The following CNTNAP2 variants were observed in gnomAD, a reference collection of about 807,000 sequenced individuals.
The protein encoded by CNTNAP2 is contactin-associated protein-like 2.
CNTNAP2 carries 98 observed loss-of-function variants against 155.2 expected under a neutral mutation model. The observed-to-expected ratio is 0.63, with a 90% CI of 0.54 to 0.75. The LOEUF (loss-of-function observed/expected upper bound fraction) is 0.75. Ranked by LOEUF, CNTNAP2 falls within the 30% of genes least tolerant of loss-of-function variation. The pLI, the probability that CNTNAP2 is intolerant of heterozygous loss-of-function variation, is 0.00. For synonymous variants in CNTNAP2, 651 were observed against 631.2 expected (o/e 1.03, Z -0.47); for missense variants, 1,727 against 1,688.1 (o/e 1.02, Z -0.40).
At chr7:146,977,223 A>G (rs1316076528) in intron 3 of CNTNAP2, among the ~76,000 whole-genome samples, 2 of 152,246 alleles carry the variant, frequency 1.3e-5, no homozygotes, top group African/African-American at 4.8e-5. Context: ...TGAGTGAAGA[A>G]TAATACTTCA....
intron 15 of CNTNAP2, among the ~76,000 whole-genome samples, chr7:148,040,935 T>C (rs2116478152): frequency 6.6e-6 from 1 of 152,096 alleles, no homozygotes; most frequent in African/African-American, 2.4e-5. Flanking sequence ...GGAGGCAAAA[T>C]CAAGTGTACC....
chr7:146,858,363 C>T (rs1481430555), intron 3 of CNTNAP2, among the ~76,000 whole-genome samples: 1 of 152,198 alleles, frequency 6.6e-6, no homozygotes, highest in Non-Finnish European at 1.5e-5. Context: ...TCCCTGCCAA[C>T]ACTGACATTC....
intron 9 of CNTNAP2, among the ~76,000 whole-genome samples, chr7:147,344,759 T>C (rs1795821227): frequency 6.6e-6 from 1 of 152,178 alleles, no homozygotes; most frequent in Non-Finnish European, 1.5e-5. Flanking sequence ...TTTGATGTTA[T>C]TACTGTTAAT....
chr7:148,413,392 C>CAAAAAAAAAAA (rs1184055556), intron 23 of CNTNAP2, among the ~76,000 whole-genome samples: 23 of 1,650 alleles, frequency 0.014, 10 homozygotes, highest in Non-Finnish European at 0.037. Flanking sequence ...AACTCCGTCT[C>CAAAAAAAAAAA]AAAAAAAAAA....
At chr7:146,767,488 A>G (rs781349235) in intron 1 of CNTNAP2, among the ~76,000 whole-genome samples, 1 of 152,148 alleles carries the variant, frequency 6.6e-6, no homozygotes, top group Non-Finnish European at 1.5e-5. Context: ...AATGACTTCT[A>G]TGGATTATTA....
intron 10 of CNTNAP2, among the ~76,000 whole-genome samples, chr7:147,454,007 G>A (rs1438639294): frequency 3.3e-5 from 2 of 60,728 alleles, no homozygotes; most frequent in Non-Finnish European, 6.3e-5. Context: ...TATAAAACTG[G>A]GGCAAAAATA....
chr7:147,835,380 A>T (rs917395292), intron 13 of CNTNAP2, among the ~76,000 whole-genome samples: 1 of 152,172 alleles, frequency 6.6e-6, no homozygotes, highest in African/African-American at 2.4e-5. Flanking sequence ...GGGTGAAGAA[A>T]TGAGGCTTGC....
chr7:148,246,413 G>A (rs957583620), intron 20 of CNTNAP2, among the ~76,000 whole-genome samples: 2 of 152,058 alleles, frequency 1.3e-5, no homozygotes, highest in Non-Finnish European at 1.5e-5. Flanking sequence ...AAAAGCAACC[G>A]GGTCAACTTA....
intron 15 of CNTNAP2, among the ~76,000 whole-genome samples, chr7:148,115,800 G>A (rs1804455978): frequency 6.6e-6 from 1 of 151,874 alleles, no homozygotes; most frequent in Non-Finnish European, 1.5e-5. Flanking sequence ...CAACCTATTT[G>A]CCTATTTTCT....
intron 1 of CNTNAP2, among the ~76,000 whole-genome samples, chr7:146,129,165 CA>C (rs1481066818): frequency 6.6e-6 from 1 of 152,070 alleles, no homozygotes; most frequent in Non-Finnish European, 1.5e-5. Flanking sequence ...TTTCGTTTTA[CA>C]GAGCATATAA....
chr7:147,552,356 C>A lies in CNTNAP2; in HGVS notation c.1778-9782C>A, dbSNP rs1008672108. On this transcript the variant is annotated intron_variant, in intron 11 of 23. Coordinates refer to ENST00000361727, the MANE Select transcript of CNTNAP2 (RefSeq NM_014141.6). The stretch of plus-strand genomic sequence containing the variant: ...TCCTATTGCCTCATTCATTGAATTC[C>A]ATAAATTACAGTAAAACATTTTAAA... 3.9e-5 allele frequency among the ~76,000 whole-genome samples: 6 copies of A among 152,106 alleles called. No homozygotes were observed. In the East Asian group the frequency reaches 1.2e-3, roughly 29 times the overall value.
intron 9 of CNTNAP2, among the ~76,000 whole-genome samples, chr7:147,385,262 C>T (rs1796606029): frequency 6.6e-6 from 1 of 152,106 alleles, no homozygotes; most frequent in Non-Finnish European, 1.5e-5. Context: ...CATATCATTC[C>T]TTGTCTGGCC....
At chr7:146,660,023 C>T (rs2129165736) in intron 1 of CNTNAP2, among the ~76,000 whole-genome samples, 1 of 152,294 alleles carries the variant, frequency 6.6e-6, no homozygotes, top group Non-Finnish European at 1.5e-5. Context: ...CACGGTTATG[C>T]TGTTAGTGAC....
chr7:146,386,621 C>A (rs1041890148), intron 1 of CNTNAP2, among the ~76,000 whole-genome samples: 1 of 152,074 alleles, frequency 6.6e-6, no homozygotes, highest in Admixed American at 6.6e-5. Context: ...CCTGATCTCA[C>A]GTTATCCACC....
chr7:146,911,183 T>C (rs1796267456), intron 3 of CNTNAP2, among the ~76,000 whole-genome samples: 1 of 151,942 alleles, frequency 6.6e-6, no homozygotes. Context: ...TGTGGAGAAA[T>C]AGGAACACTT....
At chr7:147,546,134 G>A (rs951298568) in intron 11 of CNTNAP2, among the ~76,000 whole-genome samples, 1 of 152,054 alleles carries the variant, frequency 6.6e-6, no homozygotes, top group East Asian at 1.9e-4. Flanking sequence ...AATCACATTT[G>A]CTAATGTCTC....
intron 1 of CNTNAP2, among the ~76,000 whole-genome samples, chr7:146,475,013 G>GCGCACACA (rs71525954): frequency 1.5e-4 from 21 of 144,304 alleles, no homozygotes; most frequent in African/African-American, 2.9e-4. Context: ...GCGCGCGCGC[G>GCGCACACA]CACACACACA....
At chr7:148,396,018 C>T (rs926778358) in intron 22 of CNTNAP2, among the ~76,000 whole-genome samples, 1 of 152,174 alleles carries the variant, frequency 6.6e-6, no homozygotes, top group African/African-American at 2.4e-5. Context: ...CCTCCGACCC[C>T]CACCCCACCT....
rs1387061184 is a variant in CNTNAP2, at chr7:146,391,254, G to A, written c.97+274281G>A. 4.0e-5 allele frequency among the ~76,000 whole-genome samples: 6 copies of A among 151,554 alleles called. No individual in the cohort carries two copies. In the South Asian group the frequency reaches 1.2e-3, roughly 31 times the overall value. ...GAAGTGGCTGAGAAGCATGATCTGGGGTGAGTAACCAATAAACAAAGCAGC... is the reference window on the plus strand; with the variant it reads ...GAAGTGGCTGAGAAGCATGATCTGGAGTGAGTAACCAATAAACAAAGCAGC... On this transcript the variant is annotated intron_variant, in intron 1 of 23. Transcript: ENST00000361727.
Sources: gnomAD v4.1 joint callset for allele counts (sites outside exome capture counted in the v4.1 genomes callset) on GRCh38, gnomAD v4.1.1 for gene constraint, MANE v1.5 for transcripts, NCBI Gene and HGNC (gene_info 2026-07-23, HGNC 2026-07-21) for gene names.